The following JPH3 variants were observed in gnomAD, a reference collection of about 807,000 sequenced individuals.
JPH3 encodes the protein junctophilin-3.
A neutral mutation model predicts 59.6 loss-of-function variants in JPH3; 11 were observed. The ratio of observed to expected loss-of-function variants is 0.18; its 90% confidence interval spans 0.12 to 0.31. JPH3 has a LOEUF of 0.31. Among genes scored for constraint, JPH3 ranks in the 10% least tolerant of loss-of-function variants. JPH3 has a pLI of 1.00. For missense variants in JPH3, 1,202 were observed against 1,105.7 expected (o/e 1.09, Z -1.24); for synonymous variants, 673 against 483.6 (o/e 1.39, Z -5.14).
At chr16:87,605,991 C>G (rs193058355) in intron 1 of JPH3, among the ~76,000 whole-genome samples, 1 of 152,232 alleles carries the variant, frequency 6.6e-6, no homozygotes, top group African/African-American at 2.4e-5. Context: ...GTCTTGAGGA[C>G]TCGGGCCTGG....
intron 2 of JPH3, among the ~76,000 whole-genome samples, chr16:87,646,516 C>G (rs1040579218): frequency 6.6e-6 from 1 of 152,196 alleles, no homozygotes; most frequent in African/African-American, 2.4e-5. Context: ...TTTTTTCCAT[C>G]ATAAATGTAA....
chr16:87,663,888 A>G (rs756304457), intron 2 of JPH3, among the ~76,000 whole-genome samples: 2 of 134,136 alleles, frequency 1.5e-5, no homozygotes, highest in Non-Finnish European at 2.9e-5. Context: ...CCATTCCCCA[A>G]CAAGCCCTGT....
chr16:87,689,406 G>C (rs776898711), intron 3 of JPH3, among the ~76,000 whole-genome samples: 6 of 152,240 alleles, frequency 3.9e-5, no homozygotes, highest in Non-Finnish European at 7.4e-5. Flanking sequence ...CGCCCTTCCT[G>C]TGGTGCCTGG....
Position 87,685,056 on chromosome 16 carries a change from G to A in JPH3, c.1285+790G>A, listed in dbSNP as rs938324590. Among the ~76,000 whole-genome samples the A allele has an allele frequency of 1.2e-4, 19 of 152,290 alleles. No individual in the cohort carries two copies. The South Asian group carries it at 1.4e-3, about 12-fold the overall frequency. ...ATGAGGCTCTGCGCGCTGGAGGTCC[G>A]CACCTGACACCACAGCCCTGAACTT... is the stretch of plus-strand genomic sequence containing the variant. On this transcript the variant is annotated intron_variant, in intron 3 of 4. Coordinates refer to ENST00000284262, the MANE Select transcript of JPH3 (RefSeq NM_020655.4).
intron 4 of JPH3, among the ~76,000 whole-genome samples, chr16:87,693,158 G>T (rs2033651601): frequency 6.6e-6 from 1 of 152,232 alleles, no homozygotes; most frequent in Non-Finnish European, 1.5e-5. Context: ...CTGAGTGGAG[G>T]CCCTTGCTGT....
rs540135711 is a variant in JPH3, at chr16:87,603,017, C to T, written c.-130C>T. On this transcript the variant is annotated 5_prime_UTR_variant, in exon 1 of 5. Coordinates refer to ENST00000284262, the MANE Select transcript of JPH3 (RefSeq NM_020655.4). ...GCGGCCGCCCGCGCCCGAGACCGCG[C>T]TCCGGGGCCGCGTCCTCCTCTCCTC... 4 of 1,212,610 alleles carry T rather than the reference C, an allele frequency of 3.3e-6. No individual in the cohort carries two copies. The South Asian group carries it at 6.2e-5, about 19-fold the overall frequency. 75.1% of individuals were successfully genotyped at this position (1,212,610 alleles called of 1,614,324 possible). A position where few individuals can be genotyped will look rare whatever the true frequency, so the allele number is the denominator to read the frequency against.
intron 1 of JPH3, among the ~76,000 whole-genome samples, chr16:87,625,472 C>T (rs1467212817): frequency 6.6e-6 from 1 of 152,204 alleles, no homozygotes; most frequent in African/African-American, 2.4e-5. Context: ...GCCCTTGGTG[C>T]TGCACGGTCA....
chr16:87,661,964 G>A (rs532989412), intron 2 of JPH3, among the ~76,000 whole-genome samples: 5 of 152,348 alleles, frequency 3.3e-5, no homozygotes, highest in African/African-American at 9.6e-5. Flanking sequence ...TTGATTTTAC[G>A]CTCACAGATT....
chr16:87,625,540 T>G (rs954220896), intron 1 of JPH3, among the ~76,000 whole-genome samples: 5 of 152,134 alleles, frequency 3.3e-5, no homozygotes, highest in Non-Finnish European at 5.9e-5. Flanking sequence ...GCATGCACAC[T>G]GCAGCCAAGG....
At chr16:87,624,537 G>A (rs77523266) in intron 1 of JPH3, among the ~76,000 whole-genome samples, 4,205 of 152,314 alleles carry the variant, frequency 0.028, 220 homozygotes, top group African/African-American at 0.096. Flanking sequence ...ACCGCGTTTT[G>A]TGTGAATCTG....
intron 2 of JPH3, among the ~76,000 whole-genome samples, chr16:87,659,040 A>G (rs2032607754): frequency 6.6e-6 from 1 of 152,210 alleles, no homozygotes; most frequent in Admixed American, 6.5e-5. Flanking sequence ...GGCCACAGCG[A>G]AAGCCATGCA....
rs573261668 is a variant in JPH3 at position 87,687,608 on chromosome 16, C to T, written c.1286-2038C>T. ...GGACTGAGCGTCGGAGGCTGCAGGA[C>T]GCAGGTGGCTTGAAGGCACAGGAAG... On this transcript the variant is annotated intron_variant, in intron 3 of 4. Coordinates refer to ENST00000284262, the MANE Select transcript of JPH3 (RefSeq NM_020655.4). 5.1e-4 allele frequency among the ~76,000 whole-genome samples: 77 copies of T among 151,704 alleles called. 1 individual carries two copies. Among genetic ancestry groups the T allele is most frequent in the Admixed American group, 3.3e-3 (50 of 15,310 alleles).
intron 2 of JPH3, among the ~76,000 whole-genome samples, chr16:87,672,059 G>A (rs900641413): frequency 4.6e-5 from 7 of 152,108 alleles, no homozygotes; most frequent in African/African-American, 7.2e-5. Context: ...CGGTGCCCTC[G>A]CTCAACCGGG....
rs554628915 is a variant in JPH3, at chr16:87,644,788, C to T, written c.913C>T (p.Arg305Cys). 1.9e-5 allele frequency: 30 copies of T among 1,613,058 alleles called. No individual in the cohort carries two copies. The highest frequency in any genetic ancestry group is 4.5e-5 in the East Asian group (2 of 44,820). The change falls in exon 2 of 5, where the codon CGC (arginine) becomes TGC (cysteine). Residue 305 changes from arginine (R) to cysteine (C), a missense_variant. Physicochemically the swap from Arg to Cys is radical, Grantham distance 180. Transcript: ENST00000284262. ...DKRSGFGVSQ[R>C]SDGLKYEGEW... is the part of the protein sequence containing the mutation. ...ACGCTCCGGCTTCGGCGTGAGCCAG[C>T]GCTCGGACGGGCTCAAGTACGAGGG...
chr16:87,697,049 G>A lies in JPH3; in HGVS notation c.*389G>A, dbSNP rs114326849. ...CCCGGGGCAGAGCCTCAGCCCCGCG[G>A]CCCCTGAGTGGCAGGGCTGACTCCC... On this transcript the variant is annotated 3_prime_UTR_variant, in exon 5 of 5. Coordinates refer to ENST00000284262, the MANE Select transcript of JPH3 (RefSeq NM_020655.4). 14,026 of 271,470 alleles carry A rather than the reference G, an allele frequency of 0.052. 570 individuals are homozygous for A. The highest frequency in any genetic ancestry group is 0.071 in the Non-Finnish European group (9,860 of 138,384). The allele number at this position is 271,470 out of a possible 1,614,324, so 16.8% of individuals were successfully genotyped here. A position where few individuals can be genotyped will look rare whatever the true frequency, so the allele number is the denominator to read the frequency against.
At chr16:87,688,563 G>T (rs1408411654) in intron 3 of JPH3, among the ~76,000 whole-genome samples, 1 of 152,134 alleles carries the variant, frequency 6.6e-6, no homozygotes, top group East Asian at 1.9e-4. Flanking sequence ...GAGACTCTAA[G>T]ATGGGCAGTG....
intron 2 of JPH3, among the ~76,000 whole-genome samples, chr16:87,653,067 T>TTG (rs552314302): frequency 0.018 from 2,713 of 150,360 alleles, 67 homozygotes; most frequent in African/African-American, 0.065. Flanking sequence ...AGTCAGTGCC[T>TTG]GCGGGGGGGA....
intron 2 of JPH3, among the ~76,000 whole-genome samples, chr16:87,659,369 T>C (rs868099044): frequency 8.4e-4 from 60 of 71,524 alleles, no homozygotes; most frequent in Middle Eastern, 0.014. Flanking sequence ...AGAGTAAGAC[T>C]GTCTCAAAAA....
chr16:87,637,946 C>T (rs953385140), intron 1 of JPH3, among the ~76,000 whole-genome samples: 1 of 152,000 alleles, frequency 6.6e-6, no homozygotes, highest in South Asian at 2.1e-4. Flanking sequence ...GATGGGGTTT[C>T]ACTCTTGTTG....
Sources: gnomAD v4.1 joint callset for allele counts (sites outside exome capture counted in the v4.1 genomes callset) on GRCh38, gnomAD v4.1.1 for gene constraint, MANE v1.5 for transcripts, NCBI Gene and HGNC (gene_info 2026-07-23, HGNC 2026-07-21) for gene names.